Variants in ANKS1B observed in about 807,000 individuals in gnomAD.
ANKS1B encodes ankyrin repeat and sterile alpha motif domain-containing protein 1B.
In ANKS1B, 36 loss-of-function variants were observed where a neutral mutation model predicts 148.3. The ratio of observed to expected loss-of-function variants is 0.24; its 90% confidence interval spans 0.19 to 0.32. The LOEUF (loss-of-function observed/expected upper bound fraction) is 0.32, where lower values mean the gene tolerates loss of function less well. Ranked by LOEUF, ANKS1B falls within the 10% of genes least tolerant of loss-of-function variation. The pLI, the probability that ANKS1B is intolerant of heterozygous loss-of-function variation, is 1.00. For synonymous variants in ANKS1B, 542 were observed against 560.8 expected (o/e 0.97, Z 0.47); for missense variants, 1,157 against 1,542.6 (o/e 0.75, Z 4.19).
At chr12:99,138,355 T>C (rs1295209758) in intron 15 of ANKS1B, among the ~76,000 whole-genome samples, 7 of 152,224 alleles carry the variant, frequency 4.6e-5, no homozygotes, top group Non-Finnish European at 1.5e-5. Context: ...TATGAAACTA[T>C]TGAAAACAGA....
chr12:99,565,498 C>T (rs1185925105), intron 9 of ANKS1B, among the ~76,000 whole-genome samples: 1 of 152,114 alleles, frequency 6.6e-6, no homozygotes, highest in Non-Finnish European at 1.5e-5. Context: ...GTCACTGTTT[C>T]AAAGGAGTTC....
chr12:98,935,420 T>C (rs1268667067), intron 17 of ANKS1B, among the ~76,000 whole-genome samples: 1 of 152,226 alleles, frequency 6.6e-6, no homozygotes, highest in Non-Finnish European at 1.5e-5. Flanking sequence ...TCAGGGATAT[T>C]GGCTGCAGTT....
intron 17 of ANKS1B, among the ~76,000 whole-genome samples, chr12:98,851,130 A>T (rs915629091): frequency 1.3e-5 from 2 of 152,202 alleles, no homozygotes; most frequent in African/African-American, 4.8e-5. Flanking sequence ...ACATTCATCC[A>T]TCCATTCATT....
intron 12 of ANKS1B, among the ~76,000 whole-genome samples, chr12:99,394,037 T>G (rs779486359): frequency 5.3e-5 from 8 of 152,214 alleles, no homozygotes; most frequent in Non-Finnish European, 1.0e-4. Context: ...TAATTCTAAA[T>G]GCATGAACAC....
At chr12:98,808,030 T>C in intron 19 of ANKS1B, 112 bp from the exon 20 acceptor site, 1 of 809,934 alleles carries the variant, frequency 1.2e-6, no homozygotes, top group East Asian at 2.8e-5. Context: ...GAATCACATT[T>C]AAAAAAAACT....
chr12:99,772,929 T>C lies in ANKS1B; in HGVS notation c.1121A>G (p.Gln374Arg). 6.2e-7 allele frequency: 1 copy of C among 1,610,626 alleles called. No homozygotes were observed. Among genetic ancestry groups the C allele is most frequent in the Non-Finnish European group, 8.5e-7 (1 of 1,178,342 alleles). ...CCCCCCCGCCTTACTTACTACACTC[T>C]GGCTTCCATTTTTCCCAAGTTCTTC... Reference protein sequence around the residue: ...SEEELGKNGSQSVRTSSTINL... With the variant: ...SEEELGKNGSRSVRTSSTINL... Residue 374 changes from glutamine (Q) to arginine (R), a missense_variant, in exon 8 of 27, where the codon CAG becomes CGG. Transcript: ENST00000683438.
chr12:99,432,912 C>G (rs1412925802), intron 11 of ANKS1B, among the ~76,000 whole-genome samples: 4 of 152,050 alleles, frequency 2.6e-5, no homozygotes, highest in Admixed American at 6.5e-5. Flanking sequence ...TTTAGAGAGT[C>G]AGATTATATT....
chr12:99,176,763 G>A (rs1037941464), intron 14 of ANKS1B, among the ~76,000 whole-genome samples: 10 of 151,938 alleles, frequency 6.6e-5, no homozygotes, highest in South Asian at 4.2e-4. Flanking sequence ...TCTCTCTCTC[G>A]ATCCCATTTT....
intron 9 of ANKS1B, among the ~76,000 whole-genome samples, chr12:99,607,247 C>T (rs188343474): frequency 1.3e-5 from 2 of 152,250 alleles, no homozygotes; most frequent in East Asian, 3.9e-4. Flanking sequence ...AATACATAGG[C>T]TCACAAGATG....
At chr12:99,623,704 G>A (rs558004198) in intron 9 of ANKS1B, among the ~76,000 whole-genome samples, 1 of 152,132 alleles carries the variant, frequency 6.6e-6, no homozygotes, top group African/African-American at 2.4e-5. Flanking sequence ...CCAAGGAGGT[G>A]AAAGATCTCT....
At position 99,692,676 on chromosome 12, in the gene ANKS1B, A is replaced by G. The variant is rs1293518108; in HGVS notation, c.1129-37466T>C. Among the ~76,000 whole-genome samples, 23 of 151,842 alleles carry G rather than the reference A, an allele frequency of 1.5e-4. 1 individual carries two copies. The East Asian group carries it at 4.4e-3, about 29-fold the overall frequency. ...ACAGAGCAAGATTCTGTCAAAAAAA[A>G]AAAAAAAAGGAAAAGAAAAAGAAAT... On this transcript the variant is annotated intron_variant, in intron 8 of 26. Transcript: ENST00000683438.
intron 15 of ANKS1B, among the ~76,000 whole-genome samples, chr12:99,140,025 T>A (rs2070049734): frequency 6.6e-6 from 1 of 152,220 alleles, no homozygotes; most frequent in South Asian, 2.1e-4. Context: ...TTTAGGTTAG[T>A]TACCCTTGAG....
At chr12:99,095,888 A>C (rs558627235) in intron 15 of ANKS1B, among the ~76,000 whole-genome samples, 1 of 152,314 alleles carries the variant, frequency 6.6e-6, no homozygotes, top group East Asian at 1.9e-4. Flanking sequence ...GATGACTTGA[A>C]GGAATTTCTT....
At chr12:99,945,595 C>T (rs1039366799) in intron 1 of ANKS1B, among the ~76,000 whole-genome samples, 5 of 152,122 alleles carry the variant, frequency 3.3e-5, no homozygotes, top group Admixed American at 6.6e-5. Flanking sequence ...GCCAGGTCTG[C>T]GAGGCAAGTC....
chr12:99,000,268 CTTTTTTTTT>C (rs905457820), intron 17 of ANKS1B, among the ~76,000 whole-genome samples: 18 of 125,444 alleles, frequency 1.4e-4, no homozygotes, highest in African/African-American at 4.9e-4. Context: ...TTTCTTTTTC[CTTTTTTTTT>C]TTTTTTTTTT....
At chr12:99,431,073 CAATTAATGTAAAATAA>C (rs1180335342) in intron 11 of ANKS1B, among the ~76,000 whole-genome samples, 3 of 152,064 alleles carry the variant, frequency 2.0e-5, no homozygotes, top group Non-Finnish European at 4.4e-5. Context: ...GAATTGAGTT[CAATTAATGTAAAATAA>C]AATGATGCTA....
At chr12:99,907,397 T>C (rs1045425671) in intron 1 of ANKS1B, among the ~76,000 whole-genome samples, 1 of 152,218 alleles carries the variant, frequency 6.6e-6, no homozygotes, top group Non-Finnish European at 1.5e-5. Flanking sequence ...TGACTGCTAA[T>C]GTCAAAAGCA....
chr12:99,212,335 T>C (rs1566643068), intron 14 of ANKS1B, among the ~76,000 whole-genome samples: 1 of 147,278 alleles, frequency 6.8e-6, no homozygotes, highest in Non-Finnish European at 1.5e-5. Context: ...TTCGTACTTT[T>C]CCATGCCTTT....
chr12:98,798,079 C>G (rs572767291), intron 22 of ANKS1B, among the ~76,000 whole-genome samples: 2 of 151,674 alleles, frequency 1.3e-5, no homozygotes, highest in South Asian at 4.2e-4. Context: ...AAAATAGACT[C>G]CTAGGAATCA....
Sources: allele counts gnomAD v4.1 joint callset (sites outside exome capture counted in the v4.1 genomes callset), GRCh38; gene constraint gnomAD v4.1.1; transcripts MANE v1.5; gene names NCBI Gene and HGNC (gene_info 2026-07-23, HGNC 2026-07-21).